The following DPP4 variants were observed in gnomAD, a reference collection of about 807,000 sequenced individuals.
DPP4 encodes dipeptidyl peptidase 4.
In DPP4, 93 loss-of-function variants were observed where a neutral mutation model predicts 122.4. That is an observed-to-expected ratio of 0.76 (90% confidence interval 0.64 to 0.90). The LOEUF (loss-of-function observed/expected upper bound fraction) is 0.90. Among genes scored for constraint, DPP4 ranks in the 40% least tolerant of loss-of-function variants. The pLI is 0.00. For synonymous variants in DPP4, 321 were observed against 302.9 expected (o/e 1.06, Z -0.62); for missense variants, 914 against 907.3 (o/e 1.01, Z -0.09).
At chr2:162,071,260 A>T (rs1357629137) in intron 2 of DPP4, among the ~76,000 whole-genome samples, 2 of 152,172 alleles carry the variant, frequency 1.3e-5, no homozygotes, top group African/African-American at 4.8e-5. Flanking sequence ...CTCTGTGTTG[A>T]AACACAGGGC....
At chr2:162,047,606 T>C in intron 2 of DPP4, 105 bp from the exon 3 acceptor site, 1 of 660,826 alleles carries the variant, frequency 1.5e-6, no homozygotes. Flanking sequence ...GCTCAAAAAA[T>C]TCAGAAATAT....
rs1331374694 is a variant in DPP4 at position 162,009,948 on chromosome 2, TTAA to T, written c.1833-656_1833-654del. ...GAAAAATATTGTATGCACCTATTTC[TTAA>T]TATTAGCCTGACATCAAAAGAAATT... On this transcript the variant is annotated intron_variant, in intron 20 of 25. Transcript: ENST00000360534. Among the ~76,000 whole-genome samples the T allele has an allele frequency of 2.0e-5, 3 of 148,284 alleles. No homozygotes were observed. In the East Asian group the frequency reaches 6.0e-4, roughly 30 times the overall value.
chr2:162,059,390 T>C (rs777490891), intron 2 of DPP4, among the ~76,000 whole-genome samples: 1 of 152,176 alleles, frequency 6.6e-6, no homozygotes, highest in Non-Finnish European at 1.5e-5. Flanking sequence ...GGCCGTGAAA[T>C]CCGAGGTGAT....
Position 162,067,767 on chromosome 2 carries a change from G to A in DPP4, c.94+5632C>T, listed in dbSNP as rs546945343. On this transcript the variant is annotated intron_variant, in intron 2 of 25. Transcript: ENST00000360534. The stretch of plus-strand genomic sequence containing the variant: ...TCATAATGGAGCTGTGAAGACTAAA[G>A]TTAAAAATATTTACAAGATATTGAT... 6.6e-5 allele frequency among the ~76,000 whole-genome samples: 10 copies of A among 152,238 alleles called. No homozygotes were observed. The East Asian group carries it at 1.9e-3, about 29-fold the overall frequency.
At chr2:161,994,890 G>T (rs989501780) in intron 25 of DPP4, 71 bp downstream of exon 25, 3 of 1,441,510 alleles carry the variant, frequency 2.1e-6, no homozygotes, top group African/African-American at 1.4e-5. Context: ...ACTGCTAAAA[G>T]AATTAGCCCA....
At position 161,993,474 on chromosome 2, in the gene DPP4, C is replaced by A; in HGVS notation, c.2200-90G>T. ...GTAAATTCAAATGAGCTCTCACGAG[C>A]ATACATGGTATAAAACAGAGTGTTT... On this transcript the variant is annotated intron_variant, in intron 25 of 25. Transcript: ENST00000360534. The A allele has an allele frequency of 4.4e-6, 4 of 902,058 alleles. No individual in the cohort carries two copies. In the South Asian group the frequency reaches 5.7e-5, roughly 13 times the overall value. The allele number at this position is 902,058 out of a possible 1,614,324, so 55.9% of individuals were successfully genotyped here.
intron 2 of DPP4, among the ~76,000 whole-genome samples, chr2:162,056,253 G>A (rs899276554): frequency 5.3e-5 from 8 of 152,142 alleles, no homozygotes; most frequent in East Asian, 1.9e-4. Flanking sequence ...TGTAAGCTCC[G>A]TGAGGGCACT....
chr2:162,045,671 G>T (rs894510248), intron 4 of DPP4, 59 bp from the exon 5 acceptor site: 1 of 1,248,200 alleles, frequency 8.0e-7, no homozygotes, highest in Non-Finnish European at 1.2e-6. Context: ...CCATCACTGT[G>T]CACTTACTTC....
chr2:162,007,701 A>G (rs1446645407), intron 22 of DPP4, among the ~76,000 whole-genome samples: 1 of 152,182 alleles, frequency 6.6e-6, no homozygotes, highest in Non-Finnish European at 1.5e-5. Context: ...GCAGAAAAAT[A>G]TTATGAAAAC....
intron 17 of DPP4, 65 bp from the exon 18 acceptor site, chr2:162,016,931 A>C (rs1368475385): frequency 6.0e-6 from 9 of 1,497,082 alleles, no homozygotes; most frequent in Non-Finnish European, 7.3e-6. Context: ...ATGTAGTGCA[A>C]TAATGAGCAA....
chr2:161,996,093 G>A (rs780612950), intron 23 of DPP4, among the ~76,000 whole-genome samples: 1 of 152,150 alleles, frequency 6.6e-6, no homozygotes, highest in Admixed American at 6.5e-5. Context: ...AAAAAATTGG[G>A]AAGTCAGCTT....
chr2:162,016,918 AT>A, intron 17 of DPP4, 52 bp from the exon 18 acceptor site: 1 of 1,544,464 alleles, frequency 6.5e-7, no homozygotes, highest in Non-Finnish European at 8.9e-7. Context: ...AAAAATGTGG[AT>A]TATGTAGTGC....
At position 162,038,412 on chromosome 2, in the gene DPP4, C is replaced by G. The variant is rs1017983458; in HGVS notation, c.503G>C (p.Trp168Ser). The change falls in exon 8 of 26, where the codon TGG becomes TCG. Residue 168 changes from tryptophan (W) to serine (S), a missense_variant. Coordinates refer to ENST00000360534, the MANE Select transcript of DPP4 (RefSeq NM_001935.4). Reference protein sequence around the residue: ...SPVGHKLAYVWNNDIYVKIEP... With the variant: ...SPVGHKLAYVSNNDIYVKIEP... ...AATTTTAACATAAATGTCATTGTTC[C>G]AAACATATGCCTAGAAGGAAAAAAA... 5 of 1,600,276 alleles carry G rather than the reference C, an allele frequency of 3.1e-6. No individual in the cohort carries two copies. Among genetic ancestry groups the G allele is most frequent in the Non-Finnish European group, 4.3e-6 (5 of 1,174,558 alleles).
rs78929670 is a variant in DPP4, at chr2:162,030,968, G to A, written c.887+2573C>T. On this transcript the variant is annotated intron_variant, in intron 10 of 25. Coordinates refer to ENST00000360534, the MANE Select transcript of DPP4 (RefSeq NM_001935.4). ...GAGAATTGCTTGTTTCTTGAGCCCA[G>A]CACTTCACACAGCTGTGCCTTGGAA... Among the ~76,000 whole-genome samples the A allele has an allele frequency of 3.7e-3, 564 of 152,302 alleles. 7 individuals are homozygous for A. Among genetic ancestry groups the A allele is most frequent in the East Asian group, 0.017 (88 of 5,180 alleles).
chr2:162,048,864 C>T (rs902244089), intron 2 of DPP4, among the ~76,000 whole-genome samples: 3 of 152,164 alleles, frequency 2.0e-5, no homozygotes, highest in Admixed American at 6.5e-5. Flanking sequence ...GCTGTTTGTT[C>T]GTTTTAATTT....
At chr2:162,054,929 C>A (rs370654181) in intron 2 of DPP4, among the ~76,000 whole-genome samples, 5 of 152,214 alleles carry the variant, frequency 3.3e-5, no homozygotes, top group African/African-American at 1.2e-4. Flanking sequence ...GGACTTAGAA[C>A]TTAAGAAGCA....
intron 3 of DPP4, 56 bp downstream of exon 3, chr2:162,047,347 G>T: frequency 2.0e-6 from 2 of 1,024,466 alleles, no homozygotes; most frequent in South Asian, 3.8e-5. Context: ...CCCACATCTC[G>T]ACTTAACTAG....
chr2:162,065,055 C>T (rs192417840), intron 2 of DPP4, among the ~76,000 whole-genome samples: 215 of 152,322 alleles, frequency 1.4e-3, no homozygotes, highest in African/African-American at 4.8e-3. Context: ...TAGGTATTTG[C>T]CCTTCTCCTT....
chr2:162,058,858 A>G (rs574185178), intron 2 of DPP4, among the ~76,000 whole-genome samples: 9 of 152,324 alleles, frequency 5.9e-5, no homozygotes, highest in Admixed American at 1.3e-4. Context: ...CAGTTTGACA[A>G]TCTCATCTGG....
Sources: gnomAD v4.1 joint callset for allele counts (sites outside exome capture counted in the v4.1 genomes callset) on GRCh38, gnomAD v4.1.1 for gene constraint, MANE v1.5 for transcripts, NCBI Gene and HGNC (gene_info 2026-07-23, HGNC 2026-07-21) for gene names.